PTCSC3: variants seen among roughly 807,000 people sequenced by gnomAD.
PTCSC3 encodes papillary thyroid carcinoma susceptibility candidate 3 (non-protein coding).
intron 3 of PTCSC3, among the ~76,000 whole-genome samples, chr14:36,143,971 T>A (rs1184256733): frequency 1.2e-3 from 189 of 152,206 alleles, no homozygotes; most frequent in African/African-American, 3.3e-3. Context: ...ATAGTTGTAG[T>A]TATGTGGCGT....
At position 36,161,559 on chromosome 14, in the gene PTCSC3, A is replaced by AGT. The variant is rs562926258; in HGVS notation, n.231+1064_231+1065insAC. ...TGGGTATCTCCAGTAGAGGCTACAGAACAGTAAAGATTGCTGCCTGTTCCT... is the reference window on the plus strand; with the variant it reads ...TGGGTATCTCCAGTAGAGGCTACAGAGTACAGTAAAGATTGCTGCCTGTTCCT... On this transcript the variant is annotated intron_variant and non_coding_transcript_variant, in intron 2 of 3. Transcript: ENST00000556013. 1.4e-4 allele frequency among the ~76,000 whole-genome samples: 22 copies of AGT among 152,250 alleles called. No homozygotes were observed. The South Asian group carries it at 2.1e-3, about 14-fold the overall frequency.
chr14:36,162,886 C>T (rs1293509472), intron 1 of PTCSC3, among the ~76,000 whole-genome samples: 3 of 152,138 alleles, frequency 2.0e-5, no homozygotes, highest in Non-Finnish European at 4.4e-5. Flanking sequence ...AGACCACATG[C>T]TTATATGGTG....
At chr14:36,155,766 G>T (rs1594451216) in intron 2 of PTCSC3, among the ~76,000 whole-genome samples, 2 of 152,100 alleles carry the variant, frequency 1.3e-5, no homozygotes, top group East Asian at 3.9e-4. Flanking sequence ...GTGGTTGGTT[G>T]TTAAGTTTGA....
chr14:36,140,877 T>C (rs1295056339), intron 3 of PTCSC3, among the ~76,000 whole-genome samples: 1 of 152,158 alleles, frequency 6.6e-6, no homozygotes, highest in Non-Finnish European at 1.5e-5. Flanking sequence ...TAAATTTAGG[T>C]CTATGATTCA....
At chr14:36,152,880 C>T (rs778590436) in intron 3 of PTCSC3, among the ~76,000 whole-genome samples, 8 of 147,806 alleles carry the variant, frequency 5.4e-5, no homozygotes, top group South Asian at 2.2e-4. Context: ...GGCAACAGAG[C>T]GAGACTCCAT....
chr14:36,151,832 C>G (rs961324297), intron 3 of PTCSC3, among the ~76,000 whole-genome samples: 1 of 152,160 alleles, frequency 6.6e-6, no homozygotes, highest in African/African-American at 2.4e-5. Flanking sequence ...AAAATGGATA[C>G]TTTTCCCTTG....
At chr14:36,164,803 C>G (rs1328734654) in intron 1 of PTCSC3, among the ~76,000 whole-genome samples, 1 of 152,136 alleles carries the variant, frequency 6.6e-6, no homozygotes, top group Non-Finnish European at 1.5e-5. Context: ...GAAGAGATTC[C>G]TGTAGAACAT....
intron 3 of PTCSC3, among the ~76,000 whole-genome samples, chr14:36,139,546 T>A (rs929768833): frequency 1.3e-5 from 2 of 152,146 alleles, no homozygotes; most frequent in African/African-American, 4.8e-5. Flanking sequence ...CCCAGCTTCC[T>A]CCATTATTCG....
chr14:36,147,124 T>C (rs1354380322), intron 3 of PTCSC3, among the ~76,000 whole-genome samples: 2 of 152,204 alleles, frequency 1.3e-5, no homozygotes, highest in African/African-American at 4.8e-5. Context: ...CTTTGGTGAA[T>C]CTGACAATTA....
chr14:36,175,105 C>T (rs1448413256), intron 1 of PTCSC3, among the ~76,000 whole-genome samples: 1 of 152,160 alleles, frequency 6.6e-6, no homozygotes, highest in Non-Finnish European at 1.5e-5. Context: ...TAGCTCCCTC[C>T]ATTCAGGCTC....
chr14:36,157,632 C>A (rs1406470018), intron 2 of PTCSC3, among the ~76,000 whole-genome samples: 1 of 152,032 alleles, frequency 6.6e-6, no homozygotes, highest in East Asian at 1.9e-4. Flanking sequence ...TTCCCAACAC[C>A]ATTTATTAAA....
chr14:36,161,236 C>A (rs1302616672), intron 2 of PTCSC3, among the ~76,000 whole-genome samples: 1 of 152,178 alleles, frequency 6.6e-6, no homozygotes, highest in Non-Finnish European at 1.5e-5. Flanking sequence ...TTGTCAAGCT[C>A]ATTCTCTGTC....
intron 3 of PTCSC3, among the ~76,000 whole-genome samples, chr14:36,150,555 C>T (rs1280349009): frequency 6.6e-6 from 1 of 152,160 alleles, no homozygotes; most frequent in African/African-American, 2.4e-5. Context: ...ATTATTGATA[C>T]AGTTGAATAC....
chr14:36,156,516 G>T (rs528659002), intron 2 of PTCSC3, among the ~76,000 whole-genome samples: 139 of 151,972 alleles, frequency 9.1e-4, no homozygotes, highest in Non-Finnish European at 1.7e-3. Context: ...GCACCCATCC[G>T]CCCGTCATCT....
intron 1 of PTCSC3, among the ~76,000 whole-genome samples, chr14:36,167,025 A>C (rs985160347): frequency 1.5e-4 from 23 of 152,202 alleles, no homozygotes; most frequent in African/African-American, 5.5e-4. Flanking sequence ...GCTATACCAT[A>C]ATCTTTCTCT....
At chr14:36,168,398 T>TATATATATATATATATA (rs1594456883) in intron 1 of PTCSC3, among the ~76,000 whole-genome samples, 7 of 142,756 alleles carry the variant, frequency 4.9e-5, no homozygotes, top group African/African-American at 1.8e-4. Context: ...TATATATATA[T>TATATATATATATATATA]TCTACTTTTT....
At chr14:36,149,209 ATTT>A (rs1566505279) in intron 3 of PTCSC3, among the ~76,000 whole-genome samples, 11 of 151,906 alleles carry the variant, frequency 7.2e-5, no homozygotes, top group Admixed American at 7.2e-4. Flanking sequence ...ATTTTCATTT[ATTT>A]TTTAATTTTC....
At chr14:36,148,783 T>A (rs1182332605) in intron 3 of PTCSC3, among the ~76,000 whole-genome samples, 1 of 152,210 alleles carries the variant, frequency 6.6e-6, no homozygotes, top group Non-Finnish European at 1.5e-5. Context: ...TAGCCCATTT[T>A]ATCTAAATAT....
intron 3 of PTCSC3, among the ~76,000 whole-genome samples, chr14:36,148,509 G>A (rs894391385): frequency 3.3e-5 from 5 of 152,184 alleles, no homozygotes; most frequent in South Asian, 2.1e-4. Context: ...GCAATGCCTC[G>A]CCCTGCTTCG....
Sources: allele counts gnomAD v4.1 joint callset (sites outside exome capture counted in the v4.1 genomes callset), GRCh38; gene constraint gnomAD v4.1.1; transcripts MANE v1.5; gene names NCBI Gene and HGNC (gene_info 2026-07-23, HGNC 2026-07-21).